Variants in THSD7B observed in about 807,000 individuals in gnomAD.
THSD7B encodes the protein thrombospondin type-1 domain-containing protein 7B.
THSD7B carries 138 observed loss-of-function variants against 213.6 expected under a neutral mutation model. That is an observed-to-expected ratio of 0.65 (90% confidence interval 0.56 to 0.74). The LOEUF is 0.74. Among genes scored for constraint, THSD7B ranks in the 30% least tolerant of loss-of-function variants. The probability of loss-of-function intolerance (pLI) is 0.00; values close to 1 mark genes in which losing one functional copy is unlikely to be tolerated. For synonymous variants in THSD7B, 742 were observed against 687.0 expected (o/e 1.08, Z -1.25); for missense variants, 1,931 against 1,991.5 (o/e 0.97, Z 0.58).
At chr2:137,283,002 G>T (rs1683067883) in intron 12 of THSD7B, among the ~76,000 whole-genome samples, 1 of 152,032 alleles carries the variant, frequency 6.6e-6, no homozygotes, top group Non-Finnish European at 1.5e-5. Context: ...GGGCAGTATG[G>T]CCATTTTCAC....
At chr2:137,266,561 G>C (rs376582723) in intron 10 of THSD7B, among the ~76,000 whole-genome samples, 5 of 152,088 alleles carry the variant, frequency 3.3e-5, no homozygotes, top group Admixed American at 3.3e-4. Flanking sequence ...AACAATACTG[G>C]GGCTGTGAAG....
At chr2:136,796,980 T>TCACACA (rs58116447) in intron 1 of THSD7B, among the ~76,000 whole-genome samples, 6,654 of 146,894 alleles carry the variant, frequency 0.045, 344 homozygotes, top group African/African-American at 0.12. Context: ...TCATATTTGA[T>TCACACA]CACACACACA....
intron 12 of THSD7B, among the ~76,000 whole-genome samples, chr2:137,334,167 TCTTTCTCTCTC>T (rs1558761527): frequency 1.9e-5 from 1 of 54,004 alleles, no homozygotes; most frequent in African/African-American, 4.6e-5. Context: ...TTTCTTTCTC[TCTTTCTCTCTC>T]TCTCTCTCTC....
chr2:136,926,675 C>G (rs1016964755), intron 2 of THSD7B, among the ~76,000 whole-genome samples: 1 of 147,582 alleles, frequency 6.8e-6, no homozygotes, highest in Non-Finnish European at 1.5e-5. Context: ...GCCTGGATGA[C>G]AGAACGAGAC....
intron 10 of THSD7B, among the ~76,000 whole-genome samples, chr2:137,258,613 C>G (rs1410289178): frequency 6.6e-6 from 1 of 151,978 alleles, no homozygotes; most frequent in African/African-American, 2.4e-5. Context: ...CCCTGCCCCC[C>G]ACCCGCCACA....
intron 12 of THSD7B, among the ~76,000 whole-genome samples, chr2:137,375,879 A>G (rs1685642742): frequency 6.6e-6 from 1 of 152,222 alleles, no homozygotes; most frequent in South Asian, 2.1e-4. Context: ...CAGACGATAT[A>G]TTAAAATAAT....
In THSD7B at chr2:137,411,732, C is replaced by T. The variant is rs750185771; in HGVS notation, c.2819C>T (p.Pro940Leu). 5.6e-6 allele frequency: 9 copies of T among 1,613,744 alleles called. No homozygotes were observed. Among genetic ancestry groups the T allele is most frequent in the African/African-American group, 5.3e-5 (4 of 74,864 alleles). Residue 940 changes from proline (P) to leucine (L), a missense_variant, in exon 14 of 28, where the codon CCA (proline) becomes CTA (leucine). Pro to Leu is a moderately conservative substitution (Grantham distance 98). Coordinates refer to ENST00000409968, the MANE Select transcript of THSD7B (RefSeq NM_001316349.2). ...GGAAACTGGTCAGATTGCATTCTTCCAGAAGGCAGAAGGGAGCCTCACCGA... is the reference window on the plus strand; with the variant it reads ...GGAAACTGGTCAGATTGCATTCTTCTAGAAGGCAGAAGGGAGCCTCACCGA... ...PYGNWSDCIL[P>L]EGRREPHRGL...
At chr2:137,112,849 G>T (rs1012217918) in intron 4 of THSD7B, among the ~76,000 whole-genome samples, 7 of 151,974 alleles carry the variant, frequency 4.6e-5, no homozygotes, top group African/African-American at 1.7e-4. Flanking sequence ...AGAAGAAAGG[G>T]AATGGACACT....
chr2:137,024,065 A>T (rs1015481284), intron 2 of THSD7B, among the ~76,000 whole-genome samples: 2 of 152,154 alleles, frequency 1.3e-5, no homozygotes, highest in African/African-American at 2.4e-5. Context: ...TTGAAATGAC[A>T]TCCATTTGTT....
At chr2:137,415,570 A>G (rs1477787529) in intron 14 of THSD7B, among the ~76,000 whole-genome samples, 1 of 151,982 alleles carries the variant, frequency 6.6e-6, no homozygotes, top group Non-Finnish European at 1.5e-5. Context: ...AACAGGTCCA[A>G]TGAAGGGACT....
chr2:137,243,875 C>G (rs1228940664), intron 10 of THSD7B, among the ~76,000 whole-genome samples: 7 of 152,114 alleles, frequency 4.6e-5, no homozygotes, highest in Admixed American at 2.0e-4. Context: ...ATGAGATTTG[C>G]TTATGGATAG....
chr2:137,090,235 GA>G lies in THSD7B; in HGVS notation c.951-4637del, dbSNP rs1361704862. Among the ~76,000 whole-genome samples the G allele has an allele frequency of 5.0e-4, 76 of 151,992 alleles. 1 individual carries two copies. The highest frequency in any genetic ancestry group is 1.8e-3 in the African/African-American group (74 of 41,458). ...ATATCTGAAATACAATCAATTTAAGGATAGTAGCTATGTCTGAGGAGACAGA... is the reference window on the plus strand; with the variant it reads ...ATATCTGAAATACAATCAATTTAAGGTAGTAGCTATGTCTGAGGAGACAGA... On this transcript the variant is annotated intron_variant, in intron 3 of 27. Transcript: ENST00000409968.
Position 137,038,946 on chromosome 2 carries a change from G to A in THSD7B, c.140-17474G>A, listed in dbSNP as rs887727343. Among the ~76,000 whole-genome samples, 3 of 152,098 alleles carry A rather than the reference G, an allele frequency of 2.0e-5. No homozygotes were observed. In the East Asian group the frequency reaches 5.8e-4, roughly 29 times the overall value. On this transcript the variant is annotated intron_variant, in intron 2 of 27. Transcript: ENST00000409968. ...CCAAAGTCTAGAGGTTTTTTTTCTA[G>A]AAAAGGGACTGAGCAAGATAAAGTG...
intron 1 of THSD7B, among the ~76,000 whole-genome samples, chr2:136,772,081 C>T (rs1558800010): frequency 1.3e-5 from 2 of 151,908 alleles, no homozygotes; most frequent in Non-Finnish European, 2.9e-5. Flanking sequence ...CCTCTGGTAC[C>T]TTGTCTAAGG....
At chr2:136,943,810 C>A (rs13415615) in intron 2 of THSD7B, among the ~76,000 whole-genome samples, 1 of 151,952 alleles carries the variant, frequency 6.6e-6, no homozygotes, top group African/African-American at 2.4e-5. Flanking sequence ...CTGTCAATTT[C>A]ATTGATCTTT....
At chr2:137,421,913 A>C (rs1207751287) in intron 14 of THSD7B, among the ~76,000 whole-genome samples, 1 of 152,162 alleles carries the variant, frequency 6.6e-6, no homozygotes. Flanking sequence ...TTACCATCTC[A>C]ATATCACATC....
At position 137,076,566 on chromosome 2, in the gene THSD7B, G is replaced by A. The variant is rs75968924; in HGVS notation, c.951-18307G>A. 4.1e-3 allele frequency among the ~76,000 whole-genome samples: 631 copies of A among 152,306 alleles called. 3 individuals are homozygous for A. The highest frequency in any genetic ancestry group is 0.014 in the African/African-American group (575 of 41,574). On this transcript the variant is annotated intron_variant, in intron 3 of 27. Coordinates refer to ENST00000409968, the MANE Select transcript of THSD7B (RefSeq NM_001316349.2). ...GTGAGGCGATGTCTCGCCCTGTTTCGGCTGGCGCACAGTGCGCTGCACCCA... is the reference window on the plus strand; with the variant it reads ...GTGAGGCGATGTCTCGCCCTGTTTCAGCTGGCGCACAGTGCGCTGCACCCA...
intron 15 of THSD7B, among the ~76,000 whole-genome samples, chr2:137,480,740 A>T (rs1688287781): frequency 6.6e-6 from 1 of 152,262 alleles, no homozygotes; most frequent in Non-Finnish European, 1.5e-5. Flanking sequence ...TAATAAATTA[A>T]CAGGATTAAA....
At chr2:137,365,719 A>G (rs868739860) in intron 12 of THSD7B, among the ~76,000 whole-genome samples, 31 of 152,218 alleles carry the variant, frequency 2.0e-4, no homozygotes, top group Middle Eastern at 6.3e-3. Flanking sequence ...TAGAATGGCA[A>G]TCATTAAAAA....
Sources: allele counts gnomAD v4.1 joint callset (sites outside exome capture counted in the v4.1 genomes callset), GRCh38; gene constraint gnomAD v4.1.1; transcripts MANE v1.5; gene names NCBI Gene and HGNC (gene_info 2026-07-23, HGNC 2026-07-21).